TOP1MT: variants seen among roughly 807,000 people sequenced by gnomAD.
TOP1MT encodes DNA topoisomerase I, mitochondrial.
A neutral mutation model predicts 73.9 loss-of-function variants in TOP1MT; 80 were observed. That is an observed-to-expected ratio of 1.08 (90% CI 0.90 to 1.30). The LOEUF (loss-of-function observed/expected upper bound fraction) is 1.30. Among genes scored for constraint, TOP1MT ranks in the 50% most tolerant of loss-of-function variants. TOP1MT has a pLI of 0.00. For synonymous variants in TOP1MT, 338 were observed against 326.4 expected (o/e 1.04, Z -0.38); for missense variants, 815 against 808.0 (o/e 1.01, Z -0.10).
At chr8:143,320,140 T>A (rs773227018) in intron 8 of TOP1MT, among the ~76,000 whole-genome samples, 2 of 151,736 alleles carry the variant, frequency 1.3e-5, no homozygotes, top group Admixed American at 6.6e-5. Flanking sequence ...AGAAAAAAAA[T>A]TTAAAGAAGA....
intron 2 of TOP1MT, among the ~76,000 whole-genome samples, chr8:143,342,140 ATTAT>A (rs1302560463): frequency 1.6e-5 from 2 of 123,640 alleles, no homozygotes; most frequent in Non-Finnish European, 3.1e-5. Flanking sequence ...CTCTGTTATT[ATTAT>A]TATTATTAGA....
intron 1 of TOP1MT, among the ~76,000 whole-genome samples, chr8:143,352,295 T>G (rs1817331919): frequency 6.6e-6 from 1 of 152,110 alleles, no homozygotes; most frequent in African/African-American, 2.4e-5. Context: ...ATTTCAAAAC[T>G]TCAGGGCTAC....
At position 143,321,701 on chromosome 8, in the gene TOP1MT, GCACACATGCCACA is replaced by G. The variant is rs1232548764; in HGVS notation, c.961-328_961-316del. Reference sequence around the variant, plus strand: ...CACGCACGCCACGCACGCACGCCACGCACACATGCCACACACGCACGCCACACACAGGTACGCC... The same window carrying G: ...CACGCACGCCACGCACGCACGCCACGCACGCACGCCACACACAGGTACGCC... On this transcript the variant is annotated intron_variant, in intron 7 of 13. Transcript: ENST00000329245. Among the ~76,000 whole-genome samples the G allele has an allele frequency of 3.5e-3, 180 of 52,070 alleles. 15 individuals carry two copies. The highest frequency in any genetic ancestry group is 0.014 in the African/African-American group (172 of 12,058). The allele number at this position is 52,070 out of a possible 152,430, so 34.2% of individuals were successfully genotyped here.
intron 7 of TOP1MT, among the ~76,000 whole-genome samples, chr8:143,322,984 A>ACGCACGCACGC (rs1816549189): frequency 1.8e-5 from 2 of 110,954 alleles, no homozygotes; most frequent in African/African-American, 6.7e-5. Context: ...CACGCACGCC[A>ACGCACGCACGC]CACACGCACG....
At chr8:143,359,613 G>A (rs1199969777), upstream of TOP1MT, among the ~76,000 whole-genome samples, 2 of 151,694 alleles carry the variant, frequency 1.3e-5, no homozygotes, top group African/African-American at 4.8e-5. Flanking sequence ...GGGGCCTGGA[G>A]GGGGGACACA....
chr8:143,325,128 AG>A (rs1816669394), intron 5 of TOP1MT, among the ~76,000 whole-genome samples: 1 of 152,234 alleles, frequency 6.6e-6, no homozygotes, highest in Non-Finnish European at 1.5e-5. Context: ...AGAAAGTCTC[AG>A]CCATAGCAAG....
chr8:143,321,809 C>A (rs1393994734), intron 7 of TOP1MT, among the ~76,000 whole-genome samples: 1 of 57,484 alleles, frequency 1.7e-5, no homozygotes, highest in African/African-American at 5.5e-5. Context: ...CACACGCACG[C>A]TACACACACA....
At chr8:143,316,905 G>A (rs1264028089) in intron 10 of TOP1MT, among the ~76,000 whole-genome samples, 1 of 152,196 alleles carries the variant, frequency 6.6e-6, no homozygotes, top group Admixed American at 6.5e-5. Flanking sequence ...GCCTCCCTCA[G>A]TGGAGGGGGC....
chr8:143,324,520 T>C lies in TOP1MT; in HGVS notation c.781A>G (p.Lys261Glu), dbSNP rs1337078789. ...GAGCAAGGGTTCAGCATGATGTACT[T>C]GATGGAGTTCTGAACGCTCTCGGTC... ...AWTESVQNSI[K>E]YIMLNPCSKL... Residue 261 changes from lysine to glutamate, a missense_variant, in exon 6 of 14, where the codon AAG (lysine) becomes GAG (glutamate). Transcript: ENST00000329245. 2 of 1,613,954 alleles carry C rather than the reference T, an allele frequency of 1.2e-6. No individual in the cohort carries two copies. The highest frequency in any genetic ancestry group is 4.5e-5 in the East Asian group (2 of 44,880).
In TOP1MT at chr8:143,321,337, G is replaced by T; in HGVS notation, c.1010C>A (p.Thr337Asn). Residue 337 changes from threonine to asparagine, a missense_variant, in exon 8 of 14, where the codon ACC becomes AAC. Coordinates refer to ENST00000329245, the MANE Select transcript of TOP1MT (RefSeq NM_052963.3). The stretch of plus-strand genomic sequence containing the variant: ...CACGCGGAGGGAACAGCAGCCCACG[G>T]TGTCGGCCGCCTCACCGTCCTCCTT... Reference protein sequence around the residue: ...NEKEDGEAADTVGCCSLRVEH... With the variant: ...NEKEDGEAADNVGCCSLRVEH... The T allele has an allele frequency of 6.2e-7, 1 of 1,601,692 alleles. No homozygotes were observed. Among genetic ancestry groups the T allele is most frequent in the Non-Finnish European group, 8.5e-7 (1 of 1,170,664 alleles).
intron 7 of TOP1MT, 77 bp from the exon 8 acceptor site, chr8:143,321,463 GC>G (rs1190743170): frequency 1.0e-6 from 1 of 978,100 alleles, no homozygotes; most frequent in African/African-American, 2.0e-5. Flanking sequence ...ACACACGCAC[GC>G]CACACACGCA....
upstream of TOP1MT, among the ~76,000 whole-genome samples, chr8:143,349,347 C>T (rs925954181): frequency 3.6e-5 from 5 of 138,038 alleles, no homozygotes; most frequent in African/African-American, 1.3e-4. Flanking sequence ...GCTGAAATGA[C>T]CTGCTGCAAC....
intron 1 of TOP1MT, among the ~76,000 whole-genome samples, chr8:143,351,432 G>T (rs2977347): frequency 0.11 from 17,194 of 152,008 alleles, 3,297 homozygotes; most frequent in African/African-American, 0.39. Context: ...AATTAGCCTG[G>T]CAAGAGTGAC....
At chr8:143,331,093 A>G (rs1017822068) in intron 2 of TOP1MT, 131 bp downstream of exon 2, 4 of 657,448 alleles carry the variant, frequency 6.1e-6, no homozygotes, top group Non-Finnish European at 1.0e-5. Flanking sequence ...ATCACCTGCA[A>G]GAAGAGGGCA....
At chr8:143,323,756 C>CCA (rs71313298) in intron 7 of TOP1MT, among the ~76,000 whole-genome samples, 85,576 of 106,946 alleles carry the variant, frequency 0.8, 35,469 homozygotes, top group African/African-American at 0.86. Flanking sequence ...CATGCACGCC[C>CCA]CACACAGACA....
intron 8 of TOP1MT, among the ~76,000 whole-genome samples, chr8:143,319,443 G>C (rs1472617456): frequency 6.6e-6 from 1 of 151,968 alleles, no homozygotes; most frequent in East Asian, 1.9e-4. Flanking sequence ...TACAGGTGTG[G>C]GCCTTGCGCC....
intron 1 of TOP1MT, among the ~76,000 whole-genome samples, chr8:143,352,328 T>C (rs1338460783): frequency 6.6e-6 from 1 of 152,212 alleles, no homozygotes; most frequent in African/African-American, 2.4e-5. Flanking sequence ...AGCGGGGCAC[T>C]GTCAGAAGGA....
chr8:143,321,315 G>T lies in TOP1MT; in HGVS notation c.1032C>A (p.Arg344=), dbSNP rs11544482. ...CCGGGTGCAGCTGGACGTGCTCCAC[G>T]CGGAGGGAACAGCAGCCCACGGTGT... is the stretch of plus-strand genomic sequence containing the variant. ...AADTVGCCSL[R]VEHVQLHPEA... is the part of the protein sequence containing the mutation. Residue 344 remains arginine (R), a synonymous_variant, in exon 8 of 14, where the codon CGC becomes CGA. Coordinates refer to ENST00000329245, the MANE Select transcript of TOP1MT (RefSeq NM_052963.3). 6.2e-7 allele frequency: 1 copy of T among 1,609,916 alleles called. No individual in the cohort carries two copies. Among genetic ancestry groups the T allele is most frequent in the East Asian group, 2.2e-5 (1 of 44,812 alleles).
At position 143,309,543 on chromosome 8, in the gene TOP1MT, C is replaced by T; in HGVS notation, c.1704G>A (p.Trp568Ter). The T allele has an allele frequency of 6.2e-7, 1 of 1,613,730 alleles. No individual in the cohort carries two copies. Among genetic ancestry groups the T allele is most frequent in the Non-Finnish European group, 8.5e-7 (1 of 1,179,992 alleles). ...CCACTGGCACCCTGAACCGCTTGCA[C>T]CTGCGGGAGGCAGCATCAGCCCAGG... ...NYLDPRISIAWCKRFRVPVEK... is the reference protein window; with the variant it reads ...NYLDPRISIA Residue 568 changes from tryptophan to a stop codon, truncating the protein, a stop_gained and splice_region_variant, in exon 14 of 14, where the codon TGG becomes TGA. Coordinates refer to ENST00000329245, the MANE Select transcript of TOP1MT (RefSeq NM_052963.3). LOFTEE classifies it low-confidence loss of function (END_TRUNC).
Sources: gnomAD v4.1 joint callset for allele counts (sites outside exome capture counted in the v4.1 genomes callset) on GRCh38, gnomAD v4.1.1 for gene constraint, MANE v1.5 for transcripts, NCBI Gene and HGNC (gene_info 2026-07-23, HGNC 2026-07-21) for gene names.